The following KDM2B variants were observed in gnomAD, a reference collection of about 807,000 sequenced individuals.
KDM2B encodes lysine-specific demethylase 2B.
A neutral mutation model predicts 150.0 loss-of-function variants in KDM2B; 26 were observed. The observed-to-expected ratio is 0.17, with a 90% CI of 0.13 to 0.24. The LOEUF (loss-of-function observed/expected upper bound fraction) is 0.24. KDM2B is among the 10% of genes least tolerant of loss of function. The pLI, the probability that KDM2B is intolerant of heterozygous loss-of-function variation, is 1.00. For missense variants in KDM2B, 1,265 were observed against 1,816.9 expected (o/e 0.70, Z 5.52); for synonymous variants, 734 against 729.5 (o/e 1.01, Z -0.10).
rs782241606 is a variant in KDM2B, at chr12:121,453,088, C to T, written c.1959+32G>A. 3.5e-5 allele frequency: 55 copies of T among 1,559,712 alleles called. No homozygotes were observed. The East Asian group carries it at 1.2e-3, about 34-fold the overall frequency. On this transcript the variant is annotated intron_variant, in intron 13 of 22. Coordinates refer to ENST00000377071, the MANE Select transcript of KDM2B (RefSeq NM_032590.5). This position sits in a 1 kb window ranked among gnomAD's most constrained non-coding sequence, Gnocchi z 6.4. Reference sequence around the variant, plus strand: ...CGGGCCGGCACGCAGGGGCCTGAATCGAGCGCAGGGCTGGGCGGGGGCCGC... The same window carrying T: ...CGGGCCGGCACGCAGGGGCCTGAATTGAGCGCAGGGCTGGGCGGGGGCCGC...
intron 1 of KDM2B, chr12:121,579,962 AT>A: frequency 1.4e-6 from 2 of 1,405,648 alleles, no homozygotes; most frequent in East Asian, 2.5e-5. Context: ...AAAAAAAAAG[AT>A]CTATCATATG....
At chr12:121,482,969 C>T (rs782023155) in intron 12 of KDM2B, among the ~76,000 whole-genome samples, 6 of 151,858 alleles carry the variant, frequency 4.0e-5, no homozygotes, top group Non-Finnish European at 7.4e-5. Context: ...AGTTCAAGAC[C>T]AGTCTGGCCA....
At chr12:121,507,241 A>G (rs1220318941) in intron 11 of KDM2B, among the ~76,000 whole-genome samples, 1 of 143,788 alleles carries the variant, frequency 7.0e-6, no homozygotes, top group Non-Finnish European at 1.5e-5. Flanking sequence ...TGGCATGCCT[A>G]TGGTCCCAGC....
chr12:121,420,152 G>T, the KDM2B span: 6 of 1,190,866 alleles, frequency 5.0e-6, no homozygotes, highest in Admixed American at 9.1e-5. Context: ...TGGCTTTCTG[G>T]TCATCATGGG....
At chr12:121,455,991 G>A (rs1441135460) in intron 12 of KDM2B, among the ~76,000 whole-genome samples, 7 of 152,242 alleles carry the variant, frequency 4.6e-5, no homozygotes, top group African/African-American at 1.7e-4. Context: ...TGACGGCCAT[G>A]CCGCGTGAGG....
intron 4 of KDM2B, among the ~76,000 whole-genome samples, chr12:121,573,999 G>A (rs987403602): frequency 3.3e-5 from 5 of 152,088 alleles, no homozygotes; most frequent in Non-Finnish European, 4.4e-5. Flanking sequence ...TTTCTGGAAA[G>A]AATAGATTGA....
At chr12:121,525,431 A>G (rs1228519748) in intron 8 of KDM2B, among the ~76,000 whole-genome samples, 2 of 151,858 alleles carry the variant, frequency 1.3e-5, no homozygotes, top group Non-Finnish European at 2.9e-5. Flanking sequence ...TTTACTAGAG[A>G]TGAGGTTTTA....
the KDM2B span, among the ~76,000 whole-genome samples, chr12:121,409,040 C>T: frequency 4.0e-5 from 6 of 151,760 alleles, no homozygotes; most frequent in South Asian, 6.2e-4. Context: ...GGTACAGTGG[C>T]GTGATATCTG....
intron 15 of KDM2B, 51 bp downstream of exon 15, chr12:121,444,399 C>G: frequency 1.9e-6 from 3 of 1,608,618 alleles, no homozygotes; most frequent in Non-Finnish European, 2.6e-6. Flanking sequence ...CGGCCAGGCC[C>G]AGGCCCGCCC....
chr12:121,472,809 T>C (rs903673962), intron 12 of KDM2B, among the ~76,000 whole-genome samples: 7 of 152,140 alleles, frequency 4.6e-5, no homozygotes, highest in South Asian at 2.1e-4. Context: ...GCGAGGCAAA[T>C]TGAATGACAC....
the KDM2B span, among the ~76,000 whole-genome samples, chr12:121,414,397 T>G: frequency 6.6e-6 from 1 of 152,144 alleles, no homozygotes; most frequent in South Asian, 2.1e-4. Flanking sequence ...ATTTATTCTT[T>G]TATGTATACT....
rs1555305844 is a variant in KDM2B, at chr12:121,521,063, CAA to C, written c.967_968del (p.Leu323GlyfsTer11). On this transcript the variant is annotated frameshift_variant, in exon 9 of 23. Coordinates refer to ENST00000377071, the MANE Select transcript of KDM2B (RefSeq NM_032590.5). LOFTEE classifies it high-confidence loss of function. The surrounding 1 kb of genome is among the most constrained non-coding windows in gnomAD (Gnocchi z 4.9). ...IHAVYTPVDSLVFGGNILHSF... is the reference protein window; with the variant it reads ...IHAVYTPVDSXVFGGNILHSF... ...TGTGCAGGATGTTTCCGCCGAACAC[CAA>C]AGAGTCTACAGGGGTGTAGACGGCA... 6.2e-7 allele frequency: 1 copy of C among 1,613,830 alleles called. No homozygotes were observed. The highest frequency in any genetic ancestry group is 8.5e-7 in the Non-Finnish European group (1 of 1,179,958).
At chr12:121,489,378 T>C (rs1940276115) in intron 12 of KDM2B, among the ~76,000 whole-genome samples, 1 of 151,438 alleles carries the variant, frequency 6.6e-6, no homozygotes, top group Admixed American at 6.6e-5. Context: ...TAAGTGATCC[T>C]CCAGCCTGGG....
intron 8 of KDM2B, 43 bp downstream of exon 8, chr12:121,532,763 G>T: frequency 2.5e-6 from 4 of 1,604,452 alleles, no homozygotes; most frequent in Non-Finnish European, 3.4e-6. Flanking sequence ...GGCTCAGGCC[G>T]CAGGAGACTC....
Position 121,467,199 on chromosome 12 carries a change from C to T in KDM2B, c.1735-13855G>A. The stretch of plus-strand genomic sequence containing the variant: ...TCATAGTCGTCGTCCTCGGCGCTCA[C>T]GGACATGGCCATGGCTCATGGTGGG... On this transcript the variant is annotated intron_variant, in intron 12 of 22. Transcript: ENST00000377071. This position sits in a 1 kb window ranked among gnomAD's most constrained non-coding sequence, Gnocchi z 5.1. The T allele has an allele frequency of 9.0e-7, 1 of 1,111,390 alleles. No homozygotes were observed. Among genetic ancestry groups the T allele is most frequent in the Non-Finnish European group, 1.1e-6 (1 of 893,602 alleles). The allele number at this position is 1,111,390 out of a possible 1,614,324, so 68.8% of individuals were successfully genotyped here.
the KDM2B span, chr12:121,423,363 C>A: frequency 6.3e-7 from 1 of 1,578,544 alleles, no homozygotes; most frequent in East Asian, 2.3e-5. The surrounding 1 kb of genome is among the most constrained non-coding windows in gnomAD (Gnocchi z 4.3). Context: ...AAGCCGAGGC[C>A]TTAGCTCTCT....
chr12:121,428,108 CT>C (rs1278384622), downstream of KDM2B, among the ~76,000 whole-genome samples: 2 of 152,098 alleles, frequency 1.3e-5, no homozygotes, highest in African/African-American at 4.8e-5. Context: ...GAGTTAAATT[CT>C]GGGGTACAGT....
intron 4 of KDM2B, among the ~76,000 whole-genome samples, chr12:121,552,560 C>G (rs1033994774): frequency 6.6e-6 from 1 of 151,828 alleles, no homozygotes; most frequent in Non-Finnish European, 1.5e-5. Flanking sequence ...GTAATCCCAG[C>G]TACTTGGGAG....
intron 12 of KDM2B, among the ~76,000 whole-genome samples, chr12:121,479,262 A>C (rs1258940728): frequency 6.6e-6 from 1 of 151,782 alleles, no homozygotes; most frequent in African/African-American, 2.4e-5. Flanking sequence ...ATCCTGGCTA[A>C]CAAGGTGAAA....
Sources: allele counts gnomAD v4.1 joint callset (sites outside exome capture counted in the v4.1 genomes callset), GRCh38; gene constraint gnomAD v4.1.1; non-coding constraint Gnocchi (gnomAD v3.1); transcripts MANE v1.5; gene names NCBI Gene and HGNC (gene_info 2026-07-23, HGNC 2026-07-21).